The following MAPK14 variants were observed in gnomAD, a reference collection of about 807,000 sequenced individuals.
MAPK14 encodes CSAID-binding protein.
Under a neutral mutation model 49.6 loss-of-function variants are expected in MAPK14, and 16 were observed. The ratio of observed to expected loss-of-function variants is 0.32; its 90% CI spans 0.22 to 0.49. The LOEUF (loss-of-function observed/expected upper bound fraction) is 0.49, where lower values mean the gene tolerates loss of function less well. Ranked by LOEUF, MAPK14 falls within the 20% of genes least tolerant of loss-of-function variation. MAPK14 has a pLI of 0.99. For synonymous variants in MAPK14, 142 were observed against 158.0 expected, an observed-to-expected ratio of 0.90 and a Z score of 0.76; for missense variants, 200 against 441.2, an observed-to-expected ratio of 0.45 and a Z score of 4.90.
intron 2 of MAPK14, among the ~76,000 whole-genome samples, chr6:36,054,002 A>ATTTTTTTTTTTTTTTTTTTTTTTTTTT: frequency 6.6e-6 from 1 of 152,098 alleles, no homozygotes; most frequent in South Asian, 2.1e-4. Context: ...TGCAAACCAG[A>ATTTTTTTTTTTTTTTTTTTTTTTTTTT]GTTTTAAGAA....
At chr6:36,037,844 G>A (rs1329301500) in intron 1 of MAPK14, among the ~76,000 whole-genome samples, 1 of 151,938 alleles carries the variant, frequency 6.6e-6, no homozygotes, top group African/African-American at 2.4e-5. Context: ...AAAAAATTAG[G>A]GATGCTTGGT....
At chr6:36,120,598 T>C in the MAPK14 span, among the ~76,000 whole-genome samples, 1 of 152,114 alleles carries the variant, frequency 6.6e-6, no homozygotes, top group Non-Finnish European at 1.5e-5. Flanking sequence ...TAAGTGTGTA[T>C]CCCCCGGCTG....
chr6:36,073,141 A>T (rs1764376407), intron 4 of MAPK14, 157 bp downstream of exon 4: 2 of 630,800 alleles, frequency 3.2e-6, no homozygotes, highest in Non-Finnish European at 5.7e-6. Flanking sequence ...TGCCATGTTC[A>T]CTCAGTGACA....
At position 36,107,210 on chromosome 6, in the gene MAPK14, C is replaced by T. The variant is rs569439020; in HGVS notation, c.842-245C>T. On this transcript the variant is annotated intron_variant, in intron 10 of 11. Coordinates refer to ENST00000229794, the MANE Select transcript of MAPK14 (RefSeq NM_139012.3). The surrounding 1 kb of genome is among the most constrained non-coding windows in gnomAD (Gnocchi z 4.3). Reference sequence around the variant, plus strand: ...TGGTGAGACCCATGTAACAAATGTGCACATGTACCCCCAAATCAAAAATAA... The same window carrying T: ...TGGTGAGACCCATGTAACAAATGTGTACATGTACCCCCAAATCAAAAATAA... 1.2e-3 allele frequency among the ~76,000 whole-genome samples: 188 copies of T among 152,114 alleles called. No individual in the cohort carries two copies. The highest frequency in any genetic ancestry group is 1.5e-3 in the Non-Finnish European group (101 of 68,008).
chr6:36,119,284 A>G, the MAPK14 span, among the ~76,000 whole-genome samples: 153 of 152,358 alleles, frequency 1.0e-3, 1 homozygote, highest in Middle Eastern at 0.014. Context: ...CCCCAAACCT[A>G]GAAACCATGC....
intron 1 of MAPK14, among the ~76,000 whole-genome samples, chr6:36,051,300 G>A (rs144858883): frequency 0.017 from 2,640 of 152,030 alleles, 33 homozygotes; most frequent in Middle Eastern, 0.061. Flanking sequence ...TAGTAGAGAT[G>A]GGGTTTCACC....
chr6:36,038,744 TTAAA>T (rs1363623800), intron 1 of MAPK14, among the ~76,000 whole-genome samples: 1 of 151,864 alleles, frequency 6.6e-6, no homozygotes. Context: ...GTCCAGCTCT[TTAAA>T]TAACATGGGC....
chr6:36,059,663 T>TTTG (rs58187530), intron 3 of MAPK14, among the ~76,000 whole-genome samples: 17,530 of 151,520 alleles, frequency 0.12, 1,099 homozygotes, highest in African/African-American at 0.17. Context: ...CAGGTTTGGT[T>TTTG]TTGTTGTTGT....
chr6:36,037,968 A>C (rs563649173), intron 1 of MAPK14, among the ~76,000 whole-genome samples: 1 of 152,164 alleles, frequency 6.6e-6, no homozygotes, highest in South Asian at 2.1e-4. Flanking sequence ...TGATCCTGCC[A>C]CTGTACTCCA....
At chr6:36,075,996 T>G in intron 7 of MAPK14, 34 bp downstream of exon 7, 1 of 1,608,914 alleles carries the variant, frequency 6.2e-7, no homozygotes, top group Non-Finnish European at 8.5e-7. Flanking sequence ...GGGCCTTATT[T>G]AATTCCATGT....
intron 8 of MAPK14, among the ~76,000 whole-genome samples, chr6:36,077,399 A>G (rs1393522389): frequency 1.3e-5 from 2 of 152,028 alleles, no homozygotes; most frequent in Non-Finnish European, 2.9e-5. Context: ...TTTTAATAGA[A>G]TTGAGTTAAC....
At chr6:36,120,680 C>T in the MAPK14 span, among the ~76,000 whole-genome samples, 264 of 152,322 alleles carry the variant, frequency 1.7e-3, 1 homozygote, top group Non-Finnish European at 3.0e-3. Flanking sequence ...GACACTTTGG[C>T]AGCATTGCCA....
At chr6:36,043,701 C>G (rs558550108) in intron 1 of MAPK14, among the ~76,000 whole-genome samples, 17 of 151,320 alleles carry the variant, frequency 1.1e-4, no homozygotes, top group Middle Eastern at 3.4e-3. Context: ...TATCCTGATT[C>G]AGTTGGAAAA....
downstream of MAPK14, among the ~76,000 whole-genome samples, chr6:36,115,118 G>C (rs562539279): frequency 1.2e-4 from 19 of 152,348 alleles, no homozygotes; most frequent in South Asian, 3.9e-3. Flanking sequence ...AGTACGCATA[G>C]CCAGTGGGAT....
intron 1 of MAPK14, among the ~76,000 whole-genome samples, chr6:36,036,732 A>C (rs2127397194): frequency 6.9e-6 from 1 of 145,878 alleles, no homozygotes; most frequent in Non-Finnish European, 1.5e-5. Flanking sequence ...TTAGCAAAAA[A>C]ATATTTATTT....
In MAPK14 at chr6:36,028,177, C is replaced by G. The variant is rs199820420; in HGVS notation, c.20C>G (p.Thr7Arg). 3 of 1,613,270 alleles carry G rather than the reference C, an allele frequency of 1.9e-6. No homozygotes were observed. Among genetic ancestry groups the G allele is most frequent in the Non-Finnish European group, 2.5e-6 (3 of 1,179,512 alleles). MSQERPTFYRQELNKTI... is the reference protein window; with the variant it reads MSQERPRFYRQELNKTI... ...TGGAAAATGTCTCAGGAGAGGCCCA[C>G]GTTCTACCGGCAGGAGCTGAACAAG... The change falls in exon 1 of 12, where the codon ACG becomes AGG. Residue 7 changes from threonine to arginine, a missense_variant. Coordinates refer to ENST00000229794, the MANE Select transcript of MAPK14 (RefSeq NM_139012.3). The surrounding 1 kb of genome is among the most constrained non-coding windows in gnomAD (Gnocchi z 5.1).
In MAPK14 at chr6:36,110,909, T is replaced by G. The variant is rs1214365824; in HGVS notation, c.*2462T>G. On this transcript the variant is annotated 3_prime_UTR_variant, in exon 12 of 12. Coordinates refer to ENST00000229794, the MANE Select transcript of MAPK14 (RefSeq NM_139012.3). ...ACATTTAGAAAATGTTGATAAAGCTTCTTAGTTGTACATTTTTTGGTGAAG... is the reference window on the plus strand; with the variant it reads ...ACATTTAGAAAATGTTGATAAAGCTGCTTAGTTGTACATTTTTTGGTGAAG... 1 of 152,220 alleles carries G rather than the reference T, an allele frequency of 6.6e-6. No individual in the cohort carries two copies. The highest frequency in any genetic ancestry group is 2.4e-5 in the African/African-American group (1 of 41,460). 9.4% of individuals were successfully genotyped at this position (152,220 alleles called of 1,614,324 possible).
intron 11 of MAPK14, among the ~76,000 whole-genome samples, chr6:36,108,111 T>G (rs1765853194): frequency 6.6e-6 from 1 of 152,218 alleles, no homozygotes; most frequent in South Asian, 2.1e-4. Flanking sequence ...GTGAGAGTGC[T>G]CTTTCATTCT....
chr6:36,104,073 T>G (rs1380598618), intron 10 of MAPK14, among the ~76,000 whole-genome samples: 1 of 152,234 alleles, frequency 6.6e-6, no homozygotes, highest in East Asian at 1.9e-4. Flanking sequence ...AGTGTCGCTG[T>G]GATAATTCTT....
Sources: gnomAD v4.1 joint callset for allele counts (sites outside exome capture counted in the v4.1 genomes callset) on GRCh38, gnomAD v4.1.1 for gene constraint, Gnocchi (gnomAD v3.1) non-coding constraint, MANE v1.5 for transcripts, NCBI Gene and HGNC (gene_info 2026-07-23, HGNC 2026-07-21) for gene names.